The following CDK13 variants were observed in gnomAD, a reference collection of about 807,000 sequenced individuals.
CDK13 encodes cyclin dependent kinase 13.
CDK13 carries 40 observed loss-of-function variants against 137.6 expected under a neutral mutation model. That is an observed-to-expected ratio of 0.29 (90% CI 0.23 to 0.38). The LOEUF is 0.38. Among genes scored for constraint, CDK13 ranks in the 10% least tolerant of loss-of-function variants. CDK13 has a pLI of 1.00. For missense variants in CDK13, 1,704 were observed against 1,951.8 expected, an observed-to-expected ratio of 0.87 and a Z score of 2.39; for synonymous variants, 869 against 760.1, an observed-to-expected ratio of 1.14 and a Z score of -2.36.
At position 40,026,119 on chromosome 7, in the gene CDK13, G is replaced by C. The variant is rs546198948; in HGVS notation, c.2354-19717G>C. On this transcript the variant is annotated intron_variant, in intron 5 of 13. Coordinates refer to ENST00000181839, the MANE Select transcript of CDK13 (RefSeq NM_003718.5). ...CTTTTAAGTACTAAACATGTGGGGA[G>C]AGTATTTCAGTAGAATTGGTTATGG... Among the ~76,000 whole-genome samples the C allele has an allele frequency of 5.9e-5, 9 of 152,328 alleles. No individual in the cohort carries two copies. The East Asian group carries it at 1.7e-3, about 29-fold the overall frequency.
In CDK13 at chr7:39,950,864, G is replaced by T; in HGVS notation, c.223G>T (p.Ala75Ser). ...GGCCGCCGCCGCAGCCGCCGCCGCCGCGGCCTCCTCCTCTTGCTTCAGCCC... is the reference window on the plus strand; with the variant it reads ...GGCCGCCGCCGCAGCCGCCGCCGCCTCGGCCTCCTCCTCTTGCTTCAGCCC... Reference protein sequence around the residue: ...GTAAAAAAAAAASSSCFSPGP... With the variant: ...GTAAAAAAAASASSSCFSPGP... The change falls in exon 1 of 14, where the codon GCG becomes TCG. Residue 75 changes from alanine (A) to serine (S), a missense_variant. Transcript: ENST00000181839. The T allele has an allele frequency of 7.3e-7, 1 of 1,369,974 alleles. No individual in the cohort carries two copies. Among genetic ancestry groups the T allele is most frequent in the Non-Finnish European group, 9.3e-7 (1 of 1,072,844 alleles). 84.9% of individuals were successfully genotyped at this position (1,369,974 alleles called of 1,614,324 possible).
chr7:40,019,950 A>C (rs1785077804), intron 5 of CDK13, among the ~76,000 whole-genome samples: 1 of 152,134 alleles, frequency 6.6e-6, no homozygotes, highest in South Asian at 2.1e-4. Flanking sequence ...GAACTGAATG[A>C]TTTTTGCACT....
chr7:40,085,272 A>G (rs2150541803), intron 11 of CDK13, among the ~76,000 whole-genome samples: 1 of 152,136 alleles, frequency 6.6e-6, no homozygotes, highest in Admixed American at 6.5e-5. Flanking sequence ...GAGGCAGGAG[A>G]ATTGCTTGAA....
intron 5 of CDK13, among the ~76,000 whole-genome samples, chr7:40,009,430 G>A (rs1784853145): frequency 1.3e-5 from 2 of 152,204 alleles, no homozygotes; most frequent in Non-Finnish European, 2.9e-5. Flanking sequence ...CATGTGCTAA[G>A]AAAAGTCCTA....
chr7:40,008,337 T>C (rs1433945679), intron 5 of CDK13, among the ~76,000 whole-genome samples: 2 of 152,208 alleles, frequency 1.3e-5, no homozygotes, highest in Admixed American at 6.5e-5. Context: ...ACAATGAAGT[T>C]ACAGAACATT....
At chr7:40,009,199 G>C (rs1784849157) in intron 5 of CDK13, among the ~76,000 whole-genome samples, 1 of 152,212 alleles carries the variant, frequency 6.6e-6, no homozygotes, top group South Asian at 2.1e-4. Context: ...TTACCAAATG[G>C]AAGGTTCTGC....
At chr7:39,955,527 G>C (rs918329993) in intron 1 of CDK13, among the ~76,000 whole-genome samples, 3 of 152,004 alleles carry the variant, frequency 2.0e-5, no homozygotes, top group Non-Finnish European at 4.4e-5. Context: ...TGGCATTCAG[G>C]GGCGCTGGCC....
At chr7:39,989,719 C>T (rs1470700528) in intron 2 of CDK13, among the ~76,000 whole-genome samples, 1 of 151,228 alleles carries the variant, frequency 6.6e-6, no homozygotes, top group African/African-American at 2.4e-5. Flanking sequence ...TGAATTACTT[C>T]ATTAGAGAGT....
chr7:40,010,106 T>A (rs1470413435), intron 5 of CDK13, among the ~76,000 whole-genome samples: 1 of 143,354 alleles, frequency 7.0e-6, no homozygotes, highest in Non-Finnish European at 1.5e-5. Context: ...GTACTTTATT[T>A]TTATTATTAT....
intron 2 of CDK13, among the ~76,000 whole-genome samples, chr7:39,988,771 C>T (rs1347578118): frequency 1.3e-5 from 2 of 151,852 alleles, no homozygotes; most frequent in Non-Finnish European, 2.9e-5. Flanking sequence ...TGGGATTAAT[C>T]ACATTATATT....
At chr7:40,029,997 G>A (rs1785333133) in intron 5 of CDK13, among the ~76,000 whole-genome samples, 1 of 152,020 alleles carries the variant, frequency 6.6e-6, no homozygotes. Flanking sequence ...GGACACTCAG[G>A]GTCATTTCTT....
At position 39,968,293 on chromosome 7, in the gene CDK13, G is replaced by A. The variant is rs112635405; in HGVS notation, c.1211+16441G>A. On this transcript the variant is annotated intron_variant, in intron 1 of 13. Coordinates refer to ENST00000181839, the MANE Select transcript of CDK13 (RefSeq NM_003718.5). ...CCTGTACTTTTGGGTTTATAACCAC[G>A]AAACCTTTGCCCAAACTAATGTCAT... Among the ~76,000 whole-genome samples the A allele has an allele frequency of 9.6e-3, 1,460 of 152,122 alleles. 22 individuals carry two copies. Among genetic ancestry groups the A allele is most frequent in the Middle Eastern group, 0.027 (8 of 294 alleles).
chr7:40,016,720 A>C (rs1340699988), intron 5 of CDK13, among the ~76,000 whole-genome samples: 1 of 152,202 alleles, frequency 6.6e-6, no homozygotes, highest in African/African-American at 2.4e-5. Flanking sequence ...GGCAAAAAGA[A>C]GAAAATAATT....
chr7:40,064,621 T>G (rs897570391), intron 9 of CDK13, among the ~76,000 whole-genome samples: 2 of 152,060 alleles, frequency 1.3e-5, no homozygotes, highest in South Asian at 2.1e-4. Flanking sequence ...AGAGCCTGCT[T>G]CTTCTCTGGG....
At chr7:39,952,341 T>C (rs1562693776) in intron 1 of CDK13, 1 of 152,754 alleles carries the variant, frequency 6.5e-6, no homozygotes, top group Non-Finnish European at 1.5e-5. Flanking sequence ...CAGATGTTTC[T>C]TATGATTATT....
rs1787117748 is a variant in CDK13, at chr7:39,950,595, C to T, written c.-47C>T. 3.1e-6 allele frequency: 4 copies of T among 1,293,566 alleles called. No individual in the cohort carries two copies. Among genetic ancestry groups the T allele is most frequent in the African/African-American group, 3.1e-5 (2 of 64,762 alleles). The allele number at this position is 1,293,566 out of a possible 1,614,324, so 80.1% of individuals were successfully genotyped here. ...CGGGGGAGATGGCCAGGATCTGACC[C>T]GGGAGGAGGCCGCACCCGCGCCGCG... On this transcript the variant is annotated 5_prime_UTR_variant, in exon 1 of 14. Coordinates refer to ENST00000181839, the MANE Select transcript of CDK13 (RefSeq NM_003718.5).
chr7:40,087,546 G>GTTT (rs35686770), intron 11 of CDK13, among the ~76,000 whole-genome samples: 5,155 of 111,974 alleles, frequency 0.046, 655 homozygotes, highest in African/African-American at 0.17. Flanking sequence ...CAATAGTGGT[G>GTTT]TTTTTTTTTT....
At chr7:39,962,698 G>A (rs1288824293) in intron 1 of CDK13, among the ~76,000 whole-genome samples, 1 of 152,166 alleles carries the variant, frequency 6.6e-6, no homozygotes, top group Non-Finnish European at 1.5e-5. Context: ...TAGACATGAA[G>A]TCCTTGCCCA....
At chr7:40,042,477 C>CTTTT (rs5883713) in intron 5 of CDK13, among the ~76,000 whole-genome samples, 198 of 76,100 alleles carry the variant, frequency 2.6e-3, no homozygotes, top group East Asian at 9.4e-3. Context: ...TCTTTTCTTT[C>CTTTT]TTTTTTTTTT....
Sources: gnomAD v4.1 joint callset for allele counts (sites outside exome capture counted in the v4.1 genomes callset) on GRCh38, gnomAD v4.1.1 for gene constraint, MANE v1.5 for transcripts, NCBI Gene and HGNC (gene_info 2026-07-23, HGNC 2026-07-21) for gene names.